TRPM6: variants seen among roughly 807,000 people sequenced by gnomAD.
TRPM6 encodes the protein channel kinase 2.
In TRPM6, 111 loss-of-function variants were observed where a neutral mutation model predicts 247.6. That is an observed-to-expected ratio of 0.45 (90% confidence interval 0.38 to 0.52). The LOEUF is 0.52. Ranked by LOEUF, TRPM6 falls within the 20% of genes least tolerant of loss-of-function variation. TRPM6 has a pLI of 0.00. For missense variants in TRPM6, 2,126 were observed against 2,421.5 expected (o/e 0.88, Z 2.56); for synonymous variants, 892 against 853.8 (o/e 1.04, Z -0.78).
In TRPM6 at chr9:74,738,460, G is replaced by A. The variant is rs1371979261; in HGVS notation, c.5723C>T (p.Ser1908Phe). Residue 1908 changes from serine to phenylalanine, a missense_variant, in exon 36 of 39, where the codon TCT becomes TTT. Transcript: ENST00000360774. The stretch of plus-strand genomic sequence containing the variant: ...CCGAGTGTACTCATAGGTCCAGTGA[G>A]AGAAAGCCAACATCAGCTCCTCCAG... Reference protein sequence around the residue: ...NTLEELMLAFSHWTYEYTRGE... With the variant: ...NTLEELMLAFFHWTYEYTRGE... The A allele has an allele frequency of 1.2e-6, 2 of 1,614,020 alleles. No individual in the cohort carries two copies. Among genetic ancestry groups the A allele is most frequent in the Non-Finnish European group, 1.7e-6 (2 of 1,180,012 alleles).
At position 74,800,443 on chromosome 9, in the gene TRPM6, T is replaced by A. The variant is rs763385607; in HGVS notation, c.2049A>T (p.Ala683=). 6.2e-7 allele frequency: 1 copy of A among 1,614,014 alleles called. No individual in the cohort carries two copies. The highest frequency in any genetic ancestry group is 1.1e-5 in the South Asian group (1 of 91,076). The change falls in exon 17 of 39, where the codon GCA becomes GCT. Residue 683 remains alanine, a synonymous_variant. Coordinates refer to ENST00000360774, the MANE Select transcript of TRPM6 (RefSeq NM_017662.5). ...GQLALDLLEK[A]FKQNERMAMT... The stretch of plus-strand genomic sequence containing the variant: ...TGGCCATGCGCTCATTCTGCTTGAA[T>A]GCCTTCTCCAACAAGTCCAGAGCCA...
chr9:74,853,176 G>C (rs371238914), intron 3 of TRPM6, among the ~76,000 whole-genome samples: 2 of 151,268 alleles, frequency 1.3e-5, no homozygotes, highest in East Asian at 1.9e-4. Context: ...GTCTCTGCCC[G>C]GCCGCCCCGT....
At chr9:74,766,665 CT>C (rs1289634154) in intron 25 of TRPM6, among the ~76,000 whole-genome samples, 3 of 151,966 alleles carry the variant, frequency 2.0e-5, no homozygotes, top group African/African-American at 7.3e-5. Flanking sequence ...AATCCCAGCA[CT>C]TTGGGAGACT....
Position 74,827,928 on chromosome 9 carries a change from G to A in TRPM6, c.691C>T (p.Leu231=). 6.2e-7 allele frequency: 1 copy of A among 1,614,134 alleles called. No homozygotes were observed. The highest frequency in any genetic ancestry group is 8.5e-7 in the Non-Finnish European group (1 of 1,180,032). ...GKDVVCLYQT[L]DNPLSKLTTL... ...GTGAGCTTGCTGAGGGGGTTATCCA[G>A]AGTCTGGTACAGGCACACCACCTGA... The change falls in exon 7 of 39, where the codon CTG becomes TTG. Residue 231 remains leucine, a synonymous_variant. Transcript: ENST00000360774.
At chr9:74,756,978 C>T (rs766162288) in intron 27 of TRPM6, among the ~76,000 whole-genome samples, 1 of 151,384 alleles carries the variant, frequency 6.6e-6, no homozygotes, top group Non-Finnish European at 1.5e-5. Context: ...GGGCAGATCA[C>T]CTGAGGTCAG....
In TRPM6 at chr9:74,840,208, C is replaced by T. The variant is rs1564041379; in HGVS notation, c.360G>A (p.Leu120=). ...KYIRTSYDTK[L]DHLLHLMLKE... is the part of the protein sequence containing the mutation. ...TCAACATTAAATGTAACAGATGATC[C>T]AGTTTTGTATCATAAGAAGTTCTAA... Residue 120 remains leucine, a synonymous_variant, in exon 5 of 39, where the codon CTG becomes CTA. Coordinates refer to ENST00000360774, the MANE Select transcript of TRPM6 (RefSeq NM_017662.5). 2 of 1,613,726 alleles carry T rather than the reference C, an allele frequency of 1.2e-6. No individual in the cohort carries two copies. Among genetic ancestry groups the T allele is most frequent in the Non-Finnish European group, 1.7e-6 (2 of 1,179,696 alleles).
Position 74,842,255 on chromosome 9 carries a change from A to G in TRPM6, c.241T>C (p.Trp81Arg). ...TTCGTTGTGTGCTTTTCAACAGACC[A>G]TTGTTCACTTTCTTTACCCTTGGCA... ...SAAKGKESEQWSVEKHTTKSP... is the reference protein window; with the variant it reads ...SAAKGKESEQRSVEKHTTKSP... Residue 81 changes from tryptophan to arginine, a missense_variant, in exon 4 of 39, where the codon TGG becomes CGG. By Grantham distance (101) the Trp-to-Arg change is moderately radical. Around this residue, in one of 3 missense-constraint regions of TRPM6, gnomAD observed 1,082 missense variants for 1,307.9 expected, o/e 0.83. Coordinates refer to ENST00000360774, the MANE Select transcript of TRPM6 (RefSeq NM_017662.5). The G allele has an allele frequency of 1.2e-6, 2 of 1,614,172 alleles. No individual in the cohort carries two copies. Among genetic ancestry groups the G allele is most frequent in the South Asian group, 1.1e-5 (1 of 91,086 alleles).
intron 3 of TRPM6, among the ~76,000 whole-genome samples, chr9:74,849,557 T>C (rs1443104591): frequency 6.6e-6 from 1 of 152,098 alleles, no homozygotes; most frequent in African/African-American, 2.4e-5. Flanking sequence ...AACTTGGTCT[T>C]GGATTTCTGA....
chr9:74,763,114 T>G lies in TRPM6; in HGVS notation c.3557A>C (p.Gln1186Pro). The G allele has an allele frequency of 6.2e-7, 1 of 1,611,948 alleles. No homozygotes were observed. Among genetic ancestry groups the G allele is most frequent in the Non-Finnish European group, 8.5e-7 (1 of 1,179,994 alleles). Reference protein sequence around the residue: ...TSERVTEMYFQLKEMNEKVSF... With the variant: ...TSERVTEMYFPLKEMNEKVSF... The stretch of plus-strand genomic sequence containing the variant: ...CACCTTTTCATTCATTTCTTTCAGC[T>G]GGAAGTACATCTCTGTAACCCTAGT... The change falls in exon 26 of 39, where the codon CAG becomes CCG. Residue 1186 changes from glutamine to proline, a missense_variant. Transcript: ENST00000360774.
chr9:74,737,567 G>T (rs1825735263), intron 36 of TRPM6: 1 of 549,720 alleles, frequency 1.8e-6, no homozygotes, highest in South Asian at 1.7e-5. Context: ...GAAAAGAAAA[G>T]AACAGGGATG....
intron 1 of TRPM6, among the ~76,000 whole-genome samples, chr9:74,875,986 T>C (rs756581132): frequency 2.0e-5 from 3 of 152,214 alleles, no homozygotes; most frequent in African/African-American, 7.2e-5. Flanking sequence ...CAAAGATCAA[T>C]AGAAGATATC....
intron 1 of TRPM6, among the ~76,000 whole-genome samples, chr9:74,885,965 T>A (rs116974365): frequency 6.6e-6 from 1 of 152,152 alleles, no homozygotes; most frequent in African/African-American, 2.4e-5. Flanking sequence ...AGAGAAGCCA[T>A]ATTTCAGGCA....
chr9:74,877,909 C>T (rs945970464), intron 1 of TRPM6, among the ~76,000 whole-genome samples: 11 of 152,044 alleles, frequency 7.2e-5, no homozygotes, highest in African/African-American at 2.7e-4. Context: ...CAGCCAGTGG[C>T]TACATGCACC....
intron 27 of TRPM6, among the ~76,000 whole-genome samples, chr9:74,757,596 G>A (rs541690027): frequency 8.8e-5 from 13 of 147,398 alleles, no homozygotes; most frequent in Admixed American, 7.4e-4. Context: ...GGGGAGGGTA[G>A]GGGAAAACCC....
At chr9:74,749,041 TAGC>T (rs1826148123) in intron 30 of TRPM6, among the ~76,000 whole-genome samples, 2 of 152,164 alleles carry the variant, frequency 1.3e-5, no homozygotes, top group Non-Finnish European at 2.9e-5. Context: ...ACAAATACCA[TAGC>T]TTACAGTAGT....
At chr9:74,812,829 G>A (rs552379723) in intron 11 of TRPM6, among the ~76,000 whole-genome samples, 1 of 151,940 alleles carries the variant, frequency 6.6e-6, no homozygotes, top group Non-Finnish European at 1.5e-5. Context: ...GGTCAAGGCT[G>A]CAGTAAGCCA....
chr9:74,854,392 A>T (rs1830459384), intron 3 of TRPM6, among the ~76,000 whole-genome samples: 1 of 152,226 alleles, frequency 6.6e-6, no homozygotes, highest in East Asian at 1.9e-4. Context: ...TTATATTCTT[A>T]TTTTGCTTTG....
intron 27 of TRPM6, 81 bp downstream of exon 27, chr9:74,761,615 T>C (rs1268784346): frequency 7.3e-5 from 63 of 858,194 alleles, no homozygotes; most frequent in Non-Finnish European, 4.6e-5. Flanking sequence ...GATGGCACTT[T>C]ACAGTAAAGA....
intron 18 of TRPM6, among the ~76,000 whole-genome samples, chr9:74,794,554 T>C (rs1828021866): frequency 6.6e-6 from 1 of 152,224 alleles, no homozygotes; most frequent in South Asian, 2.1e-4. Flanking sequence ...TCATCATTTA[T>C]GAGCTTTTAA....
Sources: allele counts gnomAD v4.1 joint callset (sites outside exome capture counted in the v4.1 genomes callset), GRCh38; gene constraint gnomAD v4.1.1; regional missense constraint gnomAD v4.1.1; transcripts MANE v1.5; gene names NCBI Gene and HGNC (gene_info 2026-07-23, HGNC 2026-07-21).